ACTL8: variants seen among roughly 807,000 people sequenced by gnomAD.
ACTL8 encodes actin like 8.
In ACTL8, 3 loss-of-function variants were observed where a neutral mutation model predicts 9.3. That is an observed-to-expected ratio of 0.32 (90% CI 0.15 to 0.83). The LOEUF is 0.83. ACTL8 is among the 40% of genes least tolerant of loss of function. The pLI is 0.57. For missense variants in ACTL8, 381 were observed against 492.2 expected, an observed-to-expected ratio of 0.77 and a Z score of 2.14; for synonymous variants, 224 against 205.9, an observed-to-expected ratio of 1.09 and a Z score of -0.75.
At chr1:17,792,001 C>A (rs572864310) in intron 1 of ACTL8, among the ~76,000 whole-genome samples, 2 of 152,192 alleles carry the variant, frequency 1.3e-5, no homozygotes, top group African/African-American at 2.4e-5. Context: ...TCCTGCCCCC[C>A]CTCATCAACC....
chr1:17,776,803 T>C (rs1408597208), intron 1 of ACTL8, among the ~76,000 whole-genome samples: 1 of 151,956 alleles, frequency 6.6e-6, no homozygotes, highest in African/African-American at 2.4e-5. Flanking sequence ...GTTTGTTTCC[T>C]CTTTCCTTTT....
intron 1 of ACTL8, among the ~76,000 whole-genome samples, chr1:17,776,587 G>T (rs935312769): frequency 6.6e-6 from 1 of 152,036 alleles, no homozygotes; most frequent in Non-Finnish European, 1.5e-5. Flanking sequence ...CTCTGCCGTC[G>T]TCCCTTCTTC....
chr1:17,788,825 A>C (rs1027043021), intron 1 of ACTL8, among the ~76,000 whole-genome samples: 5 of 152,212 alleles, frequency 3.3e-5, no homozygotes, highest in African/African-American at 2.4e-5. Flanking sequence ...GATGTTGGGG[A>C]GAGGAGAGTT....
At chr1:17,824,602 A>G (rs1419534945) in intron 2 of ACTL8, among the ~76,000 whole-genome samples, 1 of 152,204 alleles carries the variant, frequency 6.6e-6, no homozygotes, top group Non-Finnish European at 1.5e-5. Context: ...ATAAATTACA[A>G]ATAATGTCTT....
chr1:17,814,592 G>C lies in ACTL8; in HGVS notation c.-24-8393G>C, dbSNP rs1390072290. ...TTACAATCGCCTACAGTATTCAGTAGAATAACACGCAGTACCAGTTCATAG... is the reference window on the plus strand; with the variant it reads ...TTACAATCGCCTACAGTATTCAGTACAATAACACGCAGTACCAGTTCATAG... On this transcript the variant is annotated intron_variant, in intron 1 of 2. Coordinates refer to ENST00000375406, the MANE Select transcript of ACTL8 (RefSeq NM_030812.3). Among the ~76,000 whole-genome samples the C allele has an allele frequency of 1.8e-4, 23 of 128,928 alleles. No individual in the cohort carries two copies. In the Middle Eastern group the frequency reaches 0.017, roughly 93 times the overall value. 84.6% of individuals were successfully genotyped at this position (128,928 alleles called of 152,430 possible). A position where few individuals can be genotyped will look rare whatever the true frequency, so the allele number is the denominator to read the frequency against.
At chr1:17,783,366 A>T (rs9660732) in intron 1 of ACTL8, among the ~76,000 whole-genome samples, 4,437 of 69,250 alleles carry the variant, frequency 0.064, 309 homozygotes, top group East Asian at 0.46. Flanking sequence ...TTTTTTTTTA[A>T]AAAAACTCCA....
intron 1 of ACTL8, among the ~76,000 whole-genome samples, chr1:17,802,752 G>A (rs2066330707): frequency 6.6e-6 from 1 of 152,154 alleles, no homozygotes; most frequent in South Asian, 2.1e-4. Flanking sequence ...GGAGGCCAAG[G>A]CAGGCAGATC....
At chr1:17,779,207 C>A (rs1011938683) in intron 1 of ACTL8, among the ~76,000 whole-genome samples, 1 of 152,094 alleles carries the variant, frequency 6.6e-6, no homozygotes, top group Non-Finnish European at 1.5e-5. Flanking sequence ...TCCTGGACCC[C>A]TCTGCCTCCT....
intron 1 of ACTL8, among the ~76,000 whole-genome samples, chr1:17,778,724 C>G (rs2066133231): frequency 6.6e-6 from 1 of 151,966 alleles, no homozygotes; most frequent in Non-Finnish European, 1.5e-5. Flanking sequence ...ATCTAAGGGC[C>G]CTTTTTGCCC....
In ACTL8 at chr1:17,755,555, T is replaced by G. The variant is rs1399357641; in HGVS notation, c.-25+51T>G. On this transcript the variant is annotated intron_variant, in intron 1 of 2. Transcript: ENST00000375406. ...ACTTTGGCTGGTTGTGGCCCCTGAC[T>G]GTTTTTTTTTTTTTTTTTGTCCTTC... 3 of 147,910 alleles carry G rather than the reference T, an allele frequency of 2.0e-5. No homozygotes were observed. The East Asian group carries it at 5.8e-4, about 29-fold the overall frequency. The allele number at this position is 147,910 out of a possible 1,614,324, so 9.2% of individuals were successfully genotyped here.
rs1433164226 is a variant in ACTL8 at position 17,760,193 on chromosome 1, A to G, written c.-25+4689A>G. On this transcript the variant is annotated intron_variant, in intron 1 of 2. Coordinates refer to ENST00000375406, the MANE Select transcript of ACTL8 (RefSeq NM_030812.3). ...GGTTCCTTTGGGAAGGCCAGGCCAC[A>G]GGGCTTTCAATTTGTCTAGAGGGTG... Among the ~76,000 whole-genome samples, 3 of 152,192 alleles carry G rather than the reference A, an allele frequency of 2.0e-5. No individual in the cohort carries two copies. The East Asian group carries it at 5.8e-4, about 29-fold the overall frequency.
chr1:17,771,729 T>C (rs2102678621), intron 1 of ACTL8, among the ~76,000 whole-genome samples: 1 of 151,920 alleles, frequency 6.6e-6, no homozygotes, highest in African/African-American at 2.4e-5. Flanking sequence ...CATAGTTGAG[T>C]GCCTGTCACT....
intron 1 of ACTL8, among the ~76,000 whole-genome samples, chr1:17,781,920 A>AT (rs1201252581): frequency 6.6e-6 from 1 of 152,204 alleles, no homozygotes; most frequent in Non-Finnish European, 1.5e-5. Context: ...CACAGAAAGA[A>AT]GGGGAATGTG....
chr1:17,784,054 T>A (rs1266670306), intron 1 of ACTL8, among the ~76,000 whole-genome samples: 1 of 152,200 alleles, frequency 6.6e-6, no homozygotes, highest in Non-Finnish European at 1.5e-5. Context: ...TTCATACTGA[T>A]ATAAAGAACT....
intron 1 of ACTL8, among the ~76,000 whole-genome samples, chr1:17,805,647 G>A (rs75877917): frequency 0.12 from 18,560 of 151,896 alleles, 1,342 homozygotes; most frequent in East Asian, 0.16. Flanking sequence ...CAAAGTGCTG[G>A]GATTACAGGC....
intron 1 of ACTL8, among the ~76,000 whole-genome samples, chr1:17,791,448 G>T: frequency 6.6e-6 from 1 of 152,342 alleles, no homozygotes; most frequent in Non-Finnish European, 1.5e-5. Flanking sequence ...TGGAAGATCC[G>T]GGATTTGAAC....
chr1:17,770,120 G>A (rs2066073214), intron 1 of ACTL8, among the ~76,000 whole-genome samples: 1 of 152,232 alleles, frequency 6.6e-6, no homozygotes, highest in African/African-American at 2.4e-5. Context: ...TGGGGTAGAA[G>A]CCTCTTTGAG....
chr1:17,765,936 T>G (rs2066041314), intron 1 of ACTL8, among the ~76,000 whole-genome samples: 1 of 152,164 alleles, frequency 6.6e-6, no homozygotes, highest in South Asian at 2.1e-4. Context: ...TCCCAGGGAG[T>G]TAAATCTCAC....
At chr1:17,820,724 C>T (rs11808793) in intron 1 of ACTL8, among the ~76,000 whole-genome samples, 3,473 of 152,190 alleles carry the variant, frequency 0.023, 130 homozygotes, top group African/African-American at 0.076. Flanking sequence ...TGTGTCACCA[C>T]GCCCAGCTAA....
Sources: gnomAD v4.1 joint callset for allele counts (sites outside exome capture counted in the v4.1 genomes callset) on GRCh38, gnomAD v4.1.1 for gene constraint, MANE v1.5 for transcripts, NCBI Gene and HGNC (gene_info 2026-07-23, HGNC 2026-07-21) for gene names.